ANGEL1: variants seen among roughly 807,000 people sequenced by gnomAD.
ANGEL1 encodes the protein angel homolog 1, also known as RNA 2',3'-cyclic phosphatase ANGEL1.
In ANGEL1, 62 loss-of-function variants were observed where a neutral mutation model predicts 76.4. The ratio of observed to expected loss-of-function variants is 0.81; its 90% confidence interval spans 0.66 to 1.00. The LOEUF is 1.00. Among genes scored for constraint, ANGEL1 ranks in the 50% least tolerant of loss-of-function variants. The pLI, the probability that ANGEL1 is intolerant of heterozygous loss-of-function variation, is 0.00. For synonymous variants in ANGEL1, 340 were observed against 331.7 expected (o/e 1.03, Z -0.27); for missense variants, 737 against 836.7 (o/e 0.88, Z 1.47).
chr14:76,789,073 G>C lies in ANGEL1; in HGVS notation c.*155C>G. 4 of 1,052,756 alleles carry C rather than the reference G, an allele frequency of 3.8e-6. No homozygotes were observed. Among genetic ancestry groups the C allele is most frequent in the Non-Finnish European group, 5.5e-6 (4 of 725,686 alleles). The allele number at this position is 1,052,756 out of a possible 1,614,324, so 65.2% of individuals were successfully genotyped here. A position where few individuals can be genotyped will look rare whatever the true frequency, so the allele number is the denominator to read the frequency against. On this transcript the variant is annotated 3_prime_UTR_variant, in exon 10 of 10. Coordinates refer to ENST00000251089, the MANE Select transcript of ANGEL1 (RefSeq NM_015305.4). Reference sequence around the variant, plus strand: ...CAGGCAGAGAACGCAGCCAGGCCTGGAGAAAGTCTAACCGTGGGAAAAAGG... The same window carrying C: ...CAGGCAGAGAACGCAGCCAGGCCTGCAGAAAGTCTAACCGTGGGAAAAAGG...
intron 7 of ANGEL1, among the ~76,000 whole-genome samples, chr14:76,800,863 T>C (rs148782342): frequency 0.014 from 2,203 of 151,988 alleles, 30 homozygotes; most frequent in Non-Finnish European, 0.021. Context: ...GCCCCAGCTA[T>C]TGGGGAGGCT....
chr14:76,794,644 G>A (rs987217288), intron 7 of ANGEL1, among the ~76,000 whole-genome samples: 38 of 149,800 alleles, frequency 2.5e-4, no homozygotes, highest in African/African-American at 7.1e-4. Flanking sequence ...GCACTCCAGC[G>A]TGGGCAACGG....
intron 5 of ANGEL1, chr14:76,804,248 C>CT (rs1344861877): frequency 7.3e-7 from 1 of 1,365,560 alleles, no homozygotes; most frequent in Admixed American, 3.4e-5. Context: ...CTCTCAGGGG[C>CT]TTTAAGTTGC....
intron 2 of ANGEL1, among the ~76,000 whole-genome samples, chr14:76,808,403 T>C (rs570359543): frequency 1.3e-5 from 2 of 152,238 alleles, no homozygotes; most frequent in South Asian, 4.1e-4. Flanking sequence ...GCTCCATATA[T>C]GGAAGCTGAC....
chr14:76,787,146 G>A lies in ANGEL1; in HGVS notation c.*2082C>T, dbSNP rs1894279990. 6.6e-6 allele frequency: 1 copy of A among 152,070 alleles called. No individual in the cohort carries two copies. The highest frequency in any genetic ancestry group is 1.5e-5 in the Non-Finnish European group (1 of 68,030). 9.4% of individuals were successfully genotyped at this position (152,070 alleles called of 1,614,324 possible). ...TTCATGTCTTGAGACCCCACCCCAA[G>A]ATCAAAAGCTCCTTAGTCTCTTCCT... On this transcript the variant is annotated 3_prime_UTR_variant, in exon 10 of 10. Transcript: ENST00000251089.
At chr14:76,789,496 G>C (rs1486260903) in intron 9 of ANGEL1, 108 bp from the exon 10 acceptor site, 1 of 1,287,942 alleles carries the variant, frequency 7.8e-7, no homozygotes, top group African/African-American at 1.5e-5. Flanking sequence ...GCATCCCCTT[G>C]GCTGCCCACT....
At chr14:76,803,955 A>G (rs1242623789) in intron 5 of ANGEL1, 43 bp from the exon 6 acceptor site, 1 of 1,614,016 alleles carries the variant, frequency 6.2e-7, no homozygotes, top group Non-Finnish European at 8.5e-7. Context: ...ACCAAGATAG[A>G]AAAAGGAAGT....
At chr14:76,812,542 G>T (rs1051873162) in intron 1 of ANGEL1, 55 of 1,245,862 alleles carry the variant, frequency 4.4e-5, no homozygotes, top group Non-Finnish European at 5.5e-5. Context: ...GACAACAGGC[G>T]GGAGGAGGGG....
chr14:76,805,031 A>ATAAATAAG (rs1372942226), intron 5 of ANGEL1, among the ~76,000 whole-genome samples: 2 of 151,644 alleles, frequency 1.3e-5, no homozygotes, highest in Non-Finnish European at 2.9e-5. Context: ...AAATAAATAA[A>ATAAATAAG]TAAATAAATA....
chr14:76,794,024 T>C (rs529244676), intron 7 of ANGEL1, among the ~76,000 whole-genome samples: 1 of 152,272 alleles, frequency 6.6e-6, no homozygotes, highest in Admixed American at 6.5e-5. Flanking sequence ...AAAACTATAG[T>C]AACCAAGACA....
At chr14:76,797,302 G>A (rs940286629) in intron 7 of ANGEL1, among the ~76,000 whole-genome samples, 1 of 152,180 alleles carries the variant, frequency 6.6e-6, no homozygotes, top group African/African-American at 2.4e-5. Flanking sequence ...TTTCTGCTTA[G>A]AAAACTGACC....
chr14:76,809,220 G>A lies in ANGEL1; in HGVS notation c.488C>T (p.Ala163Val). The A allele has an allele frequency of 6.2e-6, 10 of 1,613,204 alleles. No individual in the cohort carries two copies. The highest frequency in any genetic ancestry group is 8.5e-6 in the Non-Finnish European group (10 of 1,179,576). Residue 163 changes from alanine (A) to valine (V), a missense_variant, in exon 2 of 10, where the codon GCC (alanine) becomes GTC (valine). By Grantham distance (64) the Ala-to-Val change is moderately conservative (BLOSUM62 0). This residue lies in a region of ANGEL1 where 441 missense variants were observed against 449.5 expected (regional missense o/e 0.98). Transcript: ENST00000251089. ...TGTGGCCAGGGCACCCACTGGGAGG[G>A]CAGCACAGTCTGCATACTGGGGCTC... ...QSEPQYADCA[A>V]LPVGALATEQ...
chr14:76,795,603 C>T (rs1595296985), intron 7 of ANGEL1, among the ~76,000 whole-genome samples: 1 of 152,162 alleles, frequency 6.6e-6, no homozygotes, highest in Non-Finnish European at 1.5e-5. Flanking sequence ...GGTTTGAGGA[C>T]ATTCCCTATC....
In ANGEL1 at chr14:76,807,445, G is replaced by A. The variant is rs200655604; in HGVS notation, c.934C>T (p.Leu312=). The change falls in exon 4 of 10, where the codon CTG becomes TTG. Residue 312 remains leucine, a synonymous_variant. Transcript: ENST00000251089. ...DHYWEQLEPS[L]RMMGFTCFYK... ...GGAGCTGCATTACCCATCATTCGCA[G>A]AGAGGGTTCCAGCTGCTCCCAGTAA... 1 of 1,612,772 alleles carries A rather than the reference G, an allele frequency of 6.2e-7. No individual in the cohort carries two copies. The highest frequency in any genetic ancestry group is 2.2e-5 in the East Asian group (1 of 44,874).
Position 76,806,819 on chromosome 14 carries a change from C to T in ANGEL1, c.977G>A (p.Gly326Glu), listed in dbSNP as rs150441305. ...GFTCFYKRRT[G>E]CKTDGCAVCY... ...GACAGCACAGCCATCGGTTTTACAC[C>T]CAGTCCTCCTCTTGTAGAAACAGGT... The change falls in exon 5 of 10, where the codon GGG (glycine) becomes GAG (glutamate). Residue 326 changes from glycine (G) to glutamate (E), a missense_variant. This residue lies in a region of ANGEL1 where 441 missense variants were observed against 449.5 expected (regional missense o/e 0.98). Coordinates refer to ENST00000251089, the MANE Select transcript of ANGEL1 (RefSeq NM_015305.4). 8 of 1,613,938 alleles carry T rather than the reference C, an allele frequency of 5.0e-6. No homozygotes were observed. In the East Asian group the frequency reaches 1.6e-4, roughly 31 times the overall value.
rs1479557423 is a variant in ANGEL1, at chr14:76,806,401, C to G, written c.1380+15G>C. 6.2e-7 allele frequency: 1 copy of G among 1,604,182 alleles called. No individual in the cohort carries two copies. Among genetic ancestry groups the G allele is most frequent in the Admixed American group, 1.7e-5 (1 of 59,660 alleles). ...GACCATGTTCCCACCCACACCGTGGCCTCTCCCATTTCACCTTCCAGGCTG... is the reference window on the plus strand; with the variant it reads ...GACCATGTTCCCACCCACACCGTGGGCTCTCCCATTTCACCTTCCAGGCTG... On this transcript the variant is annotated intron_variant, in intron 5 of 9. Transcript: ENST00000251089.
chr14:76,797,695 T>C (rs1015257115), intron 7 of ANGEL1, among the ~76,000 whole-genome samples: 4 of 152,254 alleles, frequency 2.6e-5, no homozygotes, highest in Non-Finnish European at 5.9e-5. Flanking sequence ...GCTGTGTGAC[T>C]GTGTGACCTT....
intron 1 of ANGEL1, among the ~76,000 whole-genome samples, chr14:76,811,427 T>C (rs1895078306): frequency 6.8e-6 from 1 of 147,656 alleles, no homozygotes; most frequent in African/African-American, 2.5e-5. Flanking sequence ...GTGGTGGATT[T>C]TCAGCAGCAG....
Position 76,803,696 on chromosome 14 carries a change from G to A in ANGEL1, c.1507+90C>T, listed in dbSNP as rs1894831673. 6 of 1,511,870 alleles carry A rather than the reference G, an allele frequency of 4.0e-6. No homozygotes were observed. In the South Asian group the frequency reaches 5.3e-5, roughly 13 times the overall value. The allele number at this position is 1,511,870 out of a possible 1,614,324, so 93.7% of individuals were successfully genotyped here. On this transcript the variant is annotated intron_variant, in intron 6 of 9. Coordinates refer to ENST00000251089, the MANE Select transcript of ANGEL1 (RefSeq NM_015305.4). ...AGAGGAATCTGCTAAGAGAAATGAG[G>A]GATTACACTTTTTCTTGTCGTTGAG... is the stretch of plus-strand genomic sequence containing the variant.
Sources: gnomAD v4.1 joint callset for allele counts (sites outside exome capture counted in the v4.1 genomes callset) on GRCh38, gnomAD v4.1.1 for gene constraint, gnomAD v4.1.1 regional missense constraint, MANE v1.5 for transcripts, NCBI Gene and HGNC (gene_info 2026-07-23, HGNC 2026-07-21) for gene names.